Variants in COG2 observed in about 807,000 individuals in gnomAD.
COG2 encodes the protein conserved oligomeric Golgi complex subunit 2.
Under a neutral mutation model 90.6 loss-of-function variants are expected in COG2, and 52 were observed. The observed-to-expected ratio is 0.57, with a 90% CI of 0.46 to 0.72. The LOEUF is 0.72. COG2 is among the 30% of genes least tolerant of loss of function. The pLI is 0.00. For missense variants in COG2, 829 were observed against 891.2 expected (o/e 0.93, Z 0.89); for synonymous variants, 337 against 320.4 (o/e 1.05, Z -0.55).
chr1:230,668,611 G>T, intron 5 of COG2, 65 bp from the exon 6 acceptor site: 1 of 958,870 alleles, frequency 1.0e-6, no homozygotes, highest in Non-Finnish European at 1.6e-6. Context: ...TGCCAGGCGT[G>T]TGATGTATTC....
intron 8 of COG2, among the ~76,000 whole-genome samples, chr1:230,673,571 G>C (rs746630641): frequency 6.6e-6 from 1 of 152,204 alleles, no homozygotes; most frequent in Admixed American, 6.5e-5. Context: ...TGGGAATGAG[G>C]AAATGTTGTC....
chr1:230,676,616 T>C (rs1231439383), intron 9 of COG2, among the ~76,000 whole-genome samples: 1 of 152,216 alleles, frequency 6.6e-6, no homozygotes, highest in African/African-American at 2.4e-5. Context: ...CCTACATGTT[T>C]GTCATTGCTT....
chr1:230,659,618 C>T lies in COG2; in HGVS notation c.227C>T (p.Thr76Ile), dbSNP rs1318907760. The T allele has an allele frequency of 6.2e-7, 1 of 1,612,924 alleles. No homozygotes were observed. Among genetic ancestry groups the T allele is most frequent in the Non-Finnish European group, 8.5e-7 (1 of 1,179,632 alleles). ...TATGCAGATTTTGTCAATCTTTCAA[C>T]AAACTTGGTAAACTTTAAATCCACG... Reference protein sequence around the residue: ...KDYADFVNLSTNLVGMDKALN... With the variant: ...KDYADFVNLSINLVGMDKALN... Residue 76 changes from threonine to isoleucine, a missense_variant, in exon 2 of 18, where the codon ACA becomes ATA. Physicochemically the swap from Thr to Ile is moderately conservative, Grantham distance 89. Transcript: ENST00000366669.
chr1:230,655,493 G>A (rs1336144373), intron 1 of COG2, among the ~76,000 whole-genome samples: 1 of 152,096 alleles, frequency 6.6e-6, no homozygotes, highest in Admixed American at 6.5e-5. Context: ...TGCTGGATTT[G>A]GTTTGCCAGT....
At chr1:230,651,069 C>T (rs1661903547) in intron 1 of COG2, among the ~76,000 whole-genome samples, 1 of 152,026 alleles carries the variant, frequency 6.6e-6, no homozygotes, top group Admixed American at 6.6e-5. Flanking sequence ...CACAGTTTAG[C>T]ACATAATATT....
chr1:230,661,074 G>A (rs1662169235), intron 3 of COG2, among the ~76,000 whole-genome samples: 1 of 152,040 alleles, frequency 6.6e-6, no homozygotes, highest in African/African-American at 2.4e-5. Flanking sequence ...TAAAATGTTG[G>A]GGGAGGAGAA....
chr1:230,667,695 C>T (rs1662353257), intron 5 of COG2, among the ~76,000 whole-genome samples: 1 of 152,108 alleles, frequency 6.6e-6, no homozygotes, highest in Non-Finnish European at 1.5e-5. Context: ...CTGGGCAGTT[C>T]CTGTTCCTCT....
intron 3 of COG2, 44 bp from the exon 4 acceptor site, chr1:230,663,097 T>C (rs748746772): frequency 1.5e-5 from 22 of 1,498,416 alleles, no homozygotes; most frequent in Non-Finnish European, 9.1e-7. Context: ...TTCATAATGT[T>C]ACAAAACAAT....
Position 230,690,121 on chromosome 1 carries a change from G to A in COG2, c.1902G>A (p.Trp634Ter). The A allele has an allele frequency of 6.2e-7, 1 of 1,613,660 alleles. No homozygotes were observed. Among genetic ancestry groups the A allele is most frequent in the Non-Finnish European group, 8.5e-7 (1 of 1,179,774 alleles). ...TCAAACAAGCAATAATTCAGCAGTGGCTAGAAGGCACTCTCAGTGAAAGCA... is the reference window on the plus strand; with the variant it reads ...TCAAACAAGCAATAATTCAGCAGTGACTAGAAGGCACTCTCAGTGAAAGCA... ...DKLKQAIIQQ[W>*]LEGTLSESTH... The change falls in exon 16 of 18, where the codon TGG becomes TGA. Residue 634 changes from tryptophan to a stop codon, truncating the protein, a stop_gained. Transcript: ENST00000366669. LOFTEE classifies it high-confidence loss of function.
chr1:230,646,992 TC>T (rs1204862451), intron 1 of COG2, among the ~76,000 whole-genome samples: 1 of 152,116 alleles, frequency 6.6e-6, no homozygotes, highest in Non-Finnish European at 1.5e-5. Flanking sequence ...CTTACTGTAG[TC>T]CCCTGGCATC....
At chr1:230,678,306 G>A in intron 9 of COG2, 1 of 923,226 alleles carries the variant, frequency 1.1e-6, no homozygotes, top group Non-Finnish European at 1.3e-6. Context: ...GTAAAATGGG[G>A]ATGATGATGA....
chr1:230,677,958 G>C (rs1367768937), intron 9 of COG2: 2 of 955,284 alleles, frequency 2.1e-6, no homozygotes, highest in Non-Finnish European at 2.5e-6. Context: ...CACACACCTA[G>C]ACCACCCTCT....
chr1:230,691,757 TC>T lies in COG2; in HGVS notation c.2115+196del. Reference sequence around the variant, plus strand: ...CAGTATGAGACGGCAATATGAGAATTCCCGTTTTGAAGTCTGGTGGCGTGCT... The same window carrying T: ...CAGTATGAGACGGCAATATGAGAATTCCGTTTTGAAGTCTGGTGGCGTGCT... On this transcript the variant is annotated intron_variant, in intron 17 of 17. Coordinates refer to ENST00000366669, the MANE Select transcript of COG2 (RefSeq NM_007357.3). The T allele has an allele frequency of 5.4e-6, 3 of 550,676 alleles. No individual in the cohort carries two copies. The South Asian group carries it at 7.5e-5, about 14-fold the overall frequency. The allele number at this position is 550,676 out of a possible 1,614,324, so 34.1% of individuals were successfully genotyped here. A position where few individuals can be genotyped will look rare whatever the true frequency, so the allele number is the denominator to read the frequency against.
intron 5 of COG2, among the ~76,000 whole-genome samples, chr1:230,665,654 A>G (rs995460471): frequency 1.3e-5 from 2 of 152,132 alleles, no homozygotes; most frequent in African/African-American, 2.4e-5. Context: ...CCTGATCGAG[A>G]TGTATAAATA....
At chr1:230,647,519 C>G (rs1661817916) in intron 1 of COG2, among the ~76,000 whole-genome samples, 2 of 152,184 alleles carry the variant, frequency 1.3e-5, no homozygotes, top group African/African-American at 2.4e-5. Flanking sequence ...CTTCAGTTTC[C>G]TCATTTATGT....
In COG2 at chr1:230,669,575, T is replaced by A. The variant is rs371854551; in HGVS notation, c.774+40T>A. ...TTCAACAAACATTCATGAGCTTCTG[T>A]TCTGTCTTTGACTCTTTACTGGGTG... On this transcript the variant is annotated intron_variant, in intron 7 of 17. Coordinates refer to ENST00000366669, the MANE Select transcript of COG2 (RefSeq NM_007357.3). 1.9e-6 allele frequency: 3 copies of A among 1,576,980 alleles called. No individual in the cohort carries two copies. The South Asian group carries it at 3.4e-5, about 18-fold the overall frequency.
chr1:230,678,235 C>T lies in COG2; in HGVS notation c.1027-678C>T, dbSNP rs145427180. On this transcript the variant is annotated intron_variant, in intron 9 of 17. Transcript: ENST00000366669. ...CTGACTAGCATTCTGCTTCCTCTACCGCCTGGCTTGTCTTTTGAGCAGGTT... is the reference window on the plus strand; with the variant it reads ...CTGACTAGCATTCTGCTTCCTCTACTGCCTGGCTTGTCTTTTGAGCAGGTT... 5.4e-4 allele frequency: 529 copies of T among 985,350 alleles called. 1 individual carries two copies. The African/African-American group carries it at 5.7e-3, about 11-fold the overall frequency. The allele number at this position is 985,350 out of a possible 1,614,324, so 61.0% of individuals were successfully genotyped here.
At chr1:230,683,370 C>A in intron 10 of COG2, 1 of 520,446 alleles carries the variant, frequency 1.9e-6, no homozygotes, top group South Asian at 2.3e-5. Flanking sequence ...ACAGAGAACC[C>A]TTATATAACA....
At chr1:230,644,851 G>T (rs1041448506) in intron 1 of COG2, among the ~76,000 whole-genome samples, 1 of 152,174 alleles carries the variant, frequency 6.6e-6, no homozygotes, top group Non-Finnish European at 1.5e-5. Context: ...ACTGACTGGT[G>T]GCGGGAGGCT....
Sources: allele counts gnomAD v4.1 joint callset (sites outside exome capture counted in the v4.1 genomes callset), GRCh38; gene constraint gnomAD v4.1.1; transcripts MANE v1.5; gene names NCBI Gene and HGNC (gene_info 2026-07-23, HGNC 2026-07-21).